NEDD4L: variants seen among roughly 807,000 people sequenced by gnomAD.
NEDD4L encodes the protein E3 ubiquitin-protein ligase NEDD4-like.
A neutral mutation model predicts 148.9 loss-of-function variants in NEDD4L; 54 were observed. The observed-to-expected ratio is 0.36, with a 90% CI of 0.29 to 0.45. The LOEUF is 0.45. Ranked by LOEUF, NEDD4L falls within the 20% of genes least tolerant of loss-of-function variation. The pLI is 1.00. For missense variants in NEDD4L, 856 were observed against 1,233.8 expected (o/e 0.69, Z 4.59); for synonymous variants, 433 against 440.7 (o/e 0.98, Z 0.22).
At chr18:58,295,062 TCCCCCAC>T (rs890217029) in intron 5 of NEDD4L, among the ~76,000 whole-genome samples, 2 of 152,090 alleles carry the variant, frequency 1.3e-5, no homozygotes, top group Non-Finnish European at 2.9e-5. Context: ...ATCATCAGCA[TCCCCCAC>T]CAGAGTGGTA....
At chr18:58,059,608 G>A (rs2082237763) in intron 1 of NEDD4L, among the ~76,000 whole-genome samples, 1 of 152,192 alleles carries the variant, frequency 6.6e-6, no homozygotes, top group African/African-American at 2.4e-5. Context: ...GTGTTAGGAA[G>A]TTTGGAATCT....
chr18:58,148,746 G>A (rs931967987), intron 1 of NEDD4L, among the ~76,000 whole-genome samples: 1 of 152,186 alleles, frequency 6.6e-6, no homozygotes, highest in Non-Finnish European at 1.5e-5. Flanking sequence ...CATTCCAGGG[G>A]CTAGAGCCTC....
intron 2 of NEDD4L, among the ~76,000 whole-genome samples, chr18:58,230,672 G>A (rs895803885): frequency 1.3e-5 from 2 of 152,100 alleles, no homozygotes; most frequent in Non-Finnish European, 1.5e-5. Context: ...CCCTGTTTCC[G>A]AAGAAGGTCA....
At chr18:58,328,492 T>C (rs1270764692) in intron 9 of NEDD4L, among the ~76,000 whole-genome samples, 1 of 152,196 alleles carries the variant, frequency 6.6e-6, no homozygotes, top group African/African-American at 2.4e-5. Context: ...AAAATTCATG[T>C]TGGATCAGGT....
chr18:58,202,972 C>CT (rs201173297), intron 2 of NEDD4L, among the ~76,000 whole-genome samples: 32 of 147,010 alleles, frequency 2.2e-4, no homozygotes, highest in East Asian at 3.9e-4. Context: ...TCAGTACATA[C>CT]TTTTTTTTTT....
At chr18:58,379,288 C>T (rs28567712) in intron 24 of NEDD4L, among the ~76,000 whole-genome samples, 44,284 of 152,046 alleles carry the variant, frequency 0.29, 6,814 homozygotes, top group African/African-American at 0.38. Flanking sequence ...ACCCTCATGA[C>T]GGGGGCCAGG....
chr18:58,373,835 G>A (rs75864976), intron 24 of NEDD4L, among the ~76,000 whole-genome samples: 2,924 of 152,300 alleles, frequency 0.019, 96 homozygotes, highest in African/African-American at 0.067. Context: ...ACTGAAAGTG[G>A]ATTTCAAAGG....
intron 1 of NEDD4L, among the ~76,000 whole-genome samples, chr18:58,095,922 ATT>A (rs112190104): frequency 6.8e-6 from 1 of 147,084 alleles, no homozygotes; most frequent in Admixed American, 6.8e-5. Context: ...CTTTTGTGTG[ATT>A]TTTTTTTTTT....
intron 1 of NEDD4L, among the ~76,000 whole-genome samples, chr18:58,125,549 C>T (rs7241583): frequency 0.71 from 108,147 of 151,742 alleles, 38,712 homozygotes; most frequent in Admixed American, 0.77. Context: ...AACTAAAGCT[C>T]ACTCTTGCCT....
chr18:58,235,837 A>C (rs1261953301), intron 2 of NEDD4L, among the ~76,000 whole-genome samples: 4 of 152,136 alleles, frequency 2.6e-5, no homozygotes, highest in African/African-American at 9.7e-5. Flanking sequence ...GAGCCAGTTT[A>C]TTATAAAAAG....
intron 1 of NEDD4L, among the ~76,000 whole-genome samples, chr18:58,165,292 T>G (rs779387403): frequency 1.3e-5 from 2 of 152,250 alleles, no homozygotes; most frequent in Non-Finnish European, 2.9e-5. Flanking sequence ...TTACTGGAAC[T>G]AAGGAATTAT....
In NEDD4L at chr18:58,094,170, T is replaced by C. The variant is rs868286824; in HGVS notation, c.48+49462T>C. Among the ~76,000 whole-genome samples the C allele has an allele frequency of 1.6e-3, 187 of 118,232 alleles. 1 individual carries two copies. The highest frequency in any genetic ancestry group is 5.2e-3 in the African/African-American group (164 of 31,272). 77.6% of individuals were successfully genotyped at this position (118,232 alleles called of 152,430 possible). Reference sequence around the variant, plus strand: ...CTCCTCCTGGGACTCCTGCACCCCCTTTTTTTTTTTTAATTTTTCTTTTCT... The same window carrying C: ...CTCCTCCTGGGACTCCTGCACCCCCCTTTTTTTTTTTAATTTTTCTTTTCT... On this transcript the variant is annotated intron_variant, in intron 1 of 30. Coordinates refer to ENST00000400345, the MANE Select transcript of NEDD4L (RefSeq NM_001144967.3).
chr18:58,299,645 G>A (rs1281991456), intron 5 of NEDD4L, among the ~76,000 whole-genome samples: 3 of 152,156 alleles, frequency 2.0e-5, no homozygotes, highest in East Asian at 1.9e-4. Flanking sequence ...GATAGGTCCT[G>A]TAACAGATAT....
chr18:58,192,281 A>G (rs2040202085), intron 2 of NEDD4L, among the ~76,000 whole-genome samples: 1 of 152,232 alleles, frequency 6.6e-6, no homozygotes, highest in Non-Finnish European at 1.5e-5. Context: ...CTTAACATAC[A>G]GACATTAAAT....
chr18:58,194,345 G>A (rs899208684), intron 2 of NEDD4L, among the ~76,000 whole-genome samples: 2 of 152,196 alleles, frequency 1.3e-5, no homozygotes, highest in Non-Finnish European at 2.9e-5. Context: ...TAAGTGTTGG[G>A]CCGGTCACCC....
In NEDD4L at chr18:58,234,117, TTTTCC is replaced by T. The variant is rs1568443258; in HGVS notation, c.123-11307_123-11303del. On this transcript the variant is annotated intron_variant, in intron 2 of 30. Transcript: ENST00000400345. ...TCTTTCTTTCTTTTCTTTTCTTTTC[TTTTCC>T]TTCTTTTTTTCTTTCTTTCTCTCTC... Among the ~76,000 whole-genome samples, 21 of 101,708 alleles carry T rather than the reference TTTTCC, an allele frequency of 2.1e-4. 1 individual carries two copies. The highest frequency in any genetic ancestry group is 6.6e-4 in the African/African-American group (15 of 22,768). The allele number at this position is 101,708 out of a possible 152,430, so 66.7% of individuals were successfully genotyped here.
chr18:58,144,383 A>G (rs2033887528), intron 1 of NEDD4L, among the ~76,000 whole-genome samples: 1 of 152,014 alleles, frequency 6.6e-6, no homozygotes. Context: ...ACACACTTTT[A>G]AACAACCAGA....
intron 18 of NEDD4L, among the ~76,000 whole-genome samples, chr18:58,356,343 C>A (rs1451274073): frequency 6.6e-6 from 1 of 150,494 alleles, no homozygotes; most frequent in South Asian, 2.1e-4. Flanking sequence ...TCTGGAGAAC[C>A]TACTCTCCCT....
intron 5 of NEDD4L, among the ~76,000 whole-genome samples, chr18:58,290,849 A>G (rs2054616903): frequency 6.6e-6 from 1 of 152,144 alleles, no homozygotes; most frequent in Non-Finnish European, 1.5e-5. Flanking sequence ...CCACTGAGAA[A>G]CCCACTGGTG....
Sources: gnomAD v4.1 joint callset for allele counts (sites outside exome capture counted in the v4.1 genomes callset) on GRCh38, gnomAD v4.1.1 for gene constraint, MANE v1.5 for transcripts, NCBI Gene and HGNC (gene_info 2026-07-23, HGNC 2026-07-21) for gene names.